SH3RF2: variants seen among roughly 807,000 people sequenced by gnomAD.
SH3RF2 encodes the protein SH3 domain containing ring finger 2, also known as E3 ubiquitin-protein ligase SH3RF2.
Under a neutral mutation model 59.0 loss-of-function variants are expected in SH3RF2, and 43 were observed. The observed-to-expected ratio is 0.73, with a 90% CI of 0.57 to 0.94. SH3RF2 has a LOEUF of 0.94. Ranked by LOEUF, SH3RF2 falls within the 40% of genes least tolerant of loss-of-function variation. SH3RF2 has a pLI of 0.00. For synonymous variants in SH3RF2, 391 were observed against 391.5 expected, an observed-to-expected ratio of 1.00 and a Z score of 0.01; for missense variants, 930 against 940.1, an observed-to-expected ratio of 0.99 and a Z score of 0.14.
chr5:146,027,509 G>A (rs553696916), intron 5 of SH3RF2, among the ~76,000 whole-genome samples: 1 of 152,198 alleles, frequency 6.6e-6, no homozygotes, highest in Non-Finnish European at 1.5e-5. Flanking sequence ...AGACAGACAT[G>A]GTTGCTACAG....
chr5:146,014,855 C>T (rs998720446), intron 5 of SH3RF2, among the ~76,000 whole-genome samples: 11 of 152,102 alleles, frequency 7.2e-5, no homozygotes, highest in Non-Finnish European at 1.5e-4. Context: ...TAGGGGTGGT[C>T]GTGGCAATCC....
At chr5:145,974,601 C>T (rs1759214488) in intron 2 of SH3RF2, among the ~76,000 whole-genome samples, 1 of 152,160 alleles carries the variant, frequency 6.6e-6, no homozygotes, top group Admixed American at 6.5e-5. Flanking sequence ...AATCTTTCTC[C>T]AAACCCCATG....
chr5:146,020,567 C>A (rs2149997445), intron 5 of SH3RF2, among the ~76,000 whole-genome samples: 1 of 152,286 alleles, frequency 6.6e-6, no homozygotes, highest in African/African-American at 2.4e-5. Context: ...AGAATTATTT[C>A]TCTCATATAT....
intron 2 of SH3RF2, among the ~76,000 whole-genome samples, chr5:145,985,695 T>C (rs189979810): frequency 1.0e-3 from 155 of 152,312 alleles, no homozygotes; most frequent in African/African-American, 3.6e-3. Context: ...TAAAGATACT[T>C]CTGGAGCTTT....
chr5:145,970,634 G>T (rs756710028), intron 2 of SH3RF2, among the ~76,000 whole-genome samples: 3 of 152,108 alleles, frequency 2.0e-5, no homozygotes, highest in Non-Finnish European at 4.4e-5. Context: ...CCTTAACATT[G>T]TATTTCCTAC....
At chr5:145,943,658 G>A (rs369746471) in intron 2 of SH3RF2, among the ~76,000 whole-genome samples, 9 of 152,162 alleles carry the variant, frequency 5.9e-5, no homozygotes, top group South Asian at 2.1e-4. Flanking sequence ...GGGTTCCTCC[G>A]TGTTGTAGAC....
chr5:145,959,896 C>G (rs1758564618), intron 2 of SH3RF2, among the ~76,000 whole-genome samples: 1 of 151,994 alleles, frequency 6.6e-6, no homozygotes, highest in Non-Finnish European at 1.5e-5. Flanking sequence ...GGAGTCTTCC[C>G]AGGTCCTCTC....
rs1471464113 is a variant in SH3RF2, at chr5:146,063,184, T to C, written c.*483T>C. Reference sequence around the variant, plus strand: ...CTGGCCACTAGTAGCTGCCATATCTTTTTCCCTCTGTAAAGTCATAATCCT... The same window carrying C: ...CTGGCCACTAGTAGCTGCCATATCTCTTTCCCTCTGTAAAGTCATAATCCT... On this transcript the variant is annotated 3_prime_UTR_variant, in exon 10 of 10. Transcript: ENST00000359120. The C allele has an allele frequency of 6.5e-6, 1 of 154,300 alleles. No individual in the cohort carries two copies. The highest frequency in any genetic ancestry group is 1.9e-4 in the East Asian group (1 of 5,212). The allele number at this position is 154,300 out of a possible 1,614,324, so 9.6% of individuals were successfully genotyped here.
chr5:145,979,600 C>T (rs561154504), intron 2 of SH3RF2, among the ~76,000 whole-genome samples: 16 of 152,252 alleles, frequency 1.1e-4, no homozygotes, highest in African/African-American at 3.9e-4. Flanking sequence ...TGGCTACTTT[C>T]AAACTATCAA....
At chr5:146,072,128 G>T (rs370020829) in intron 9 of SH3RF2, among the ~76,000 whole-genome samples, 1 of 152,234 alleles carries the variant, frequency 6.6e-6, no homozygotes, top group East Asian at 1.9e-4. Context: ...TATATCCCTG[G>T]GTTCAAATCC....
chr5:146,018,392 C>T (rs916049859), intron 5 of SH3RF2, among the ~76,000 whole-genome samples: 1 of 152,114 alleles, frequency 6.6e-6, no homozygotes, highest in African/African-American at 2.4e-5. Context: ...ATTATAGCCT[C>T]CAGTTCCATC....
At chr5:146,073,451 T>C (rs1177567103) in intron 9 of SH3RF2, among the ~76,000 whole-genome samples, 1 of 152,230 alleles carries the variant, frequency 6.6e-6, no homozygotes, top group Non-Finnish European at 1.5e-5. Context: ...GTGATTTCGA[T>C]AACAACCTCT....
intron 2 of SH3RF2, among the ~76,000 whole-genome samples, chr5:145,955,394 G>A (rs1430951017): frequency 1.3e-5 from 2 of 152,078 alleles, no homozygotes; most frequent in East Asian, 3.9e-4. Context: ...TAGACACTGG[G>A]GACTACTAGG....
chr5:145,999,825 G>A (rs912310048), intron 2 of SH3RF2, among the ~76,000 whole-genome samples: 1 of 152,016 alleles, frequency 6.6e-6, no homozygotes, highest in Non-Finnish European at 1.5e-5. Flanking sequence ...AATATTTAAA[G>A]TTAATAACAG....
chr5:146,058,725 T>C (rs1762770885), intron 8 of SH3RF2, among the ~76,000 whole-genome samples: 1 of 152,006 alleles, frequency 6.6e-6, no homozygotes, highest in South Asian at 2.1e-4. Flanking sequence ...CTCATGGGTG[T>C]CTCCTCCACT....
At chr5:146,020,889 A>G (rs1340538132) in intron 5 of SH3RF2, among the ~76,000 whole-genome samples, 1 of 152,186 alleles carries the variant, frequency 6.6e-6, no homozygotes, top group Non-Finnish European at 1.5e-5. Flanking sequence ...GATAATGACA[A>G]GTCCAAGCAT....
chr5:146,017,022 G>A (rs168712), intron 5 of SH3RF2, among the ~76,000 whole-genome samples: 47,114 of 152,062 alleles, frequency 0.31, 8,193 homozygotes, highest in Non-Finnish European at 0.38. Context: ...AAACCCCAAG[G>A]GGTAGCATTT....
intron 5 of SH3RF2, among the ~76,000 whole-genome samples, chr5:146,039,365 T>C (rs966177456): frequency 6.6e-6 from 1 of 151,908 alleles, no homozygotes; most frequent in African/African-American, 2.4e-5. Context: ...TACAAAGAAT[T>C]CATATCCAAT....
chr5:146,076,226 C>T (rs1185702796), intron 9 of SH3RF2, among the ~76,000 whole-genome samples: 7 of 152,180 alleles, frequency 4.6e-5, no homozygotes, highest in African/African-American at 1.7e-4. Context: ...AAACAAACCA[C>T]TGCTACTCGC....
Sources: gnomAD v4.1 joint callset for allele counts (sites outside exome capture counted in the v4.1 genomes callset) on GRCh38, gnomAD v4.1.1 for gene constraint, MANE v1.5 for transcripts, NCBI Gene and HGNC (gene_info 2026-07-23, HGNC 2026-07-21) for gene names.